Variants in PRR16 observed in about 807,000 individuals in gnomAD.
PRR16 encodes the protein protein Largen.
A neutral mutation model predicts 18.2 loss-of-function variants in PRR16; 6 were observed. The ratio of observed to expected loss-of-function variants is 0.33; its 90% CI spans 0.18 to 0.65. The LOEUF is 0.65. Among genes scored for constraint, PRR16 ranks in the 30% least tolerant of loss-of-function variants. The probability of loss-of-function intolerance (pLI) is 0.74; values close to 1 mark genes in which losing one functional copy is unlikely to be tolerated. For missense variants in PRR16, 412 were observed against 376.6 expected (o/e 1.09, Z -0.78); for synonymous variants, 151 against 147.8 (o/e 1.02, Z -0.16).
At chr5:120,535,995 A>G (rs1395535732) in intron 1 of PRR16, among the ~76,000 whole-genome samples, 1 of 152,214 alleles carries the variant, frequency 6.6e-6, no homozygotes, top group Non-Finnish European at 1.5e-5. Context: ...CAATGGTATT[A>G]TGTAGTCTAT....
At chr5:120,484,658 T>C (rs994729348) in intron 1 of PRR16, among the ~76,000 whole-genome samples, 12 of 146,944 alleles carry the variant, frequency 8.2e-5, no homozygotes, top group Non-Finnish European at 1.8e-4. Flanking sequence ...CACATTTTTA[T>C]ATATATATTT....
chr5:120,754,983 T>G, the PRR16 span, among the ~76,000 whole-genome samples: 1 of 150,372 alleles, frequency 6.7e-6, no homozygotes, highest in African/African-American at 2.4e-5. Flanking sequence ...TGTTGAAACC[T>G]AGGGTTGATC....
the PRR16 span, among the ~76,000 whole-genome samples, chr5:120,780,076 TTTG>T: frequency 7.9e-5 from 12 of 152,168 alleles, no homozygotes; most frequent in African/African-American, 1.2e-4. Flanking sequence ...GTCTATCCTT[TTTG>T]TTGTTGTTGT....
the PRR16 span, among the ~76,000 whole-genome samples, chr5:120,748,803 C>CA: frequency 1.3e-5 from 2 of 152,026 alleles, no homozygotes; most frequent in Non-Finnish European, 2.9e-5. Flanking sequence ...TCATTGTGGA[C>CA]AGACAGTAAG....
intron 1 of PRR16, among the ~76,000 whole-genome samples, chr5:120,588,909 T>A (rs1025213060): frequency 2.0e-5 from 3 of 151,470 alleles, no homozygotes; most frequent in Non-Finnish European, 4.4e-5. Flanking sequence ...GTTATCTCTC[T>A]CTGTCTAACC....
intron 1 of PRR16, among the ~76,000 whole-genome samples, chr5:120,608,133 C>A (rs946832057): frequency 6.6e-6 from 1 of 152,080 alleles, no homozygotes. Flanking sequence ...CCTTTTGTTT[C>A]CTGATAATAT....
At chr5:120,611,713 G>A (rs1248573801) in intron 1 of PRR16, among the ~76,000 whole-genome samples, 1 of 152,222 alleles carries the variant, frequency 6.6e-6, no homozygotes. Flanking sequence ...GCAAAAGTTT[G>A]CTGCAGGGGT....
At chr5:120,578,986 G>A (rs923134769) in intron 1 of PRR16, among the ~76,000 whole-genome samples, 49 of 151,980 alleles carry the variant, frequency 3.2e-4, no homozygotes, top group Non-Finnish European at 6.9e-4. Flanking sequence ...TTGATTTGCA[G>A]TTCTCTGATG....
the PRR16 span, among the ~76,000 whole-genome samples, chr5:120,740,414 T>G: frequency 6.6e-6 from 1 of 152,216 alleles, no homozygotes; most frequent in African/African-American, 2.4e-5. Flanking sequence ...ATAAATAAAT[T>G]CACACAGACT....
chr5:120,698,318 T>C, the PRR16 span, among the ~76,000 whole-genome samples: 1 of 151,904 alleles, frequency 6.6e-6, no homozygotes, highest in Non-Finnish European at 1.5e-5. Context: ...ATTGAAAAAC[T>C]AAATGGAATA....
At chr5:120,664,381 C>G (rs1756286684) in intron 1 of PRR16, among the ~76,000 whole-genome samples, 1 of 151,720 alleles carries the variant, frequency 6.6e-6, no homozygotes, top group Non-Finnish European at 1.5e-5. Flanking sequence ...GTGCTGCAAC[C>G]CTGGGAAGCA....
chr5:120,670,448 A>G (rs1287903246), intron 1 of PRR16, among the ~76,000 whole-genome samples: 1 of 152,112 alleles, frequency 6.6e-6, no homozygotes, highest in African/African-American at 2.4e-5. Context: ...ATTGTTTTCA[A>G]ATTTTATGTA....
chr5:120,754,753 T>C, the PRR16 span, among the ~76,000 whole-genome samples: 15,974 of 148,068 alleles, frequency 0.11, 1,150 homozygotes, highest in African/African-American at 0.2. Flanking sequence ...CAGATGAATA[T>C]GATATTGATA....
At chr5:120,779,648 C>G in the PRR16 span, among the ~76,000 whole-genome samples, 1 of 152,106 alleles carries the variant, frequency 6.6e-6, no homozygotes, top group Non-Finnish European at 1.5e-5. Context: ...ACTTTTTATG[C>G]TCTGTATTGT....
At chr5:120,690,142 T>C (rs1757192075), downstream of PRR16, among the ~76,000 whole-genome samples, 1 of 152,182 alleles carries the variant, frequency 6.6e-6, no homozygotes, top group South Asian at 2.1e-4. Context: ...TAAAGGAATA[T>C]GATACAGTTG....
intron 1 of PRR16, among the ~76,000 whole-genome samples, chr5:120,547,985 A>G (rs1752126175): frequency 1.3e-5 from 2 of 152,114 alleles, no homozygotes. Flanking sequence ...TTTATGATGA[A>G]TAACTATGAT....
At chr5:120,653,264 T>G (rs554028452) in intron 1 of PRR16, among the ~76,000 whole-genome samples, 3 of 152,064 alleles carry the variant, frequency 2.0e-5, no homozygotes, top group Non-Finnish European at 1.5e-5. Flanking sequence ...TAATTATGAT[T>G]TTTATATTTG....
chr5:120,556,242 T>G (rs1310681868), intron 1 of PRR16, among the ~76,000 whole-genome samples: 1 of 149,918 alleles, frequency 6.7e-6, no homozygotes, highest in Non-Finnish European at 1.5e-5. Context: ...TGTTTTTTTT[T>G]TTTTTTTTTT....
At chr5:120,593,873 A>G (rs1043483801) in intron 1 of PRR16, among the ~76,000 whole-genome samples, 1 of 152,206 alleles carries the variant, frequency 6.6e-6, no homozygotes, top group Non-Finnish European at 1.5e-5. Context: ...AATGTGATTC[A>G]TCACATAAAG....
Sources: gnomAD v4.1 joint callset for allele counts (sites outside exome capture counted in the v4.1 genomes callset) on GRCh38, gnomAD v4.1.1 for gene constraint, MANE v1.5 for transcripts, NCBI Gene and HGNC (gene_info 2026-07-23, HGNC 2026-07-21) for gene names.